AKAP19: variants seen among roughly 807,000 people sequenced by gnomAD.
AKAP19 encodes small A-kinase anchoring protein.
chr2:189,991,669 T>C, the AKAP19 span, among the ~76,000 whole-genome samples: 14 of 152,216 alleles, frequency 9.2e-5, no homozygotes, highest in Non-Finnish European at 1.8e-4. Context: ...TGCTGATTAT[T>C]TCTTTTGATG....
the AKAP19 span, among the ~76,000 whole-genome samples, chr2:189,978,685 G>A: frequency 6.6e-6 from 1 of 152,140 alleles, no homozygotes; most frequent in African/African-American, 2.4e-5. Flanking sequence ...ATTCACTTAG[G>A]ATAATGGCCT....
chr2:190,040,851 G>A, the AKAP19 span, among the ~76,000 whole-genome samples: 1 of 152,126 alleles, frequency 6.6e-6, no homozygotes, highest in African/African-American at 2.4e-5. Context: ...CCTTATTTCT[G>A]GGCTCTCTAT....
the AKAP19 span, chr2:189,930,376 C>T: frequency 2.4e-6 from 1 of 413,192 alleles, no homozygotes; most frequent in Non-Finnish European, 4.4e-6. Context: ...GATGTACATG[C>T]ACGGTAGAAA....
the AKAP19 span, among the ~76,000 whole-genome samples, chr2:189,995,736 A>G: frequency 5.0e-3 from 756 of 151,452 alleles, 8 homozygotes; most frequent in African/African-American, 0.017. Context: ...CTTGTGCTTT[A>G]AGGAGGTTCT....
At chr2:190,062,721 A>C in the AKAP19 span, 3 of 865,902 alleles carry the variant, frequency 3.5e-6, no homozygotes, top group African/African-American at 3.4e-5. Context: ...TTGCCACACC[A>C]GTGAATCTTT....
the AKAP19 span, among the ~76,000 whole-genome samples, chr2:189,890,638 C>T: frequency 6.6e-6 from 1 of 152,034 alleles, no homozygotes; most frequent in African/African-American, 2.4e-5. Context: ...GATAGTTCTT[C>T]TTGTTGCATT....
At chr2:190,071,692 TATTA>T in the AKAP19 span, among the ~76,000 whole-genome samples, 3 of 152,178 alleles carry the variant, frequency 2.0e-5, no homozygotes, top group African/African-American at 7.2e-5. Flanking sequence ...ATATCATTAA[TATTA>T]ATTTGTATTA....
the AKAP19 span, among the ~76,000 whole-genome samples, chr2:190,064,006 CT>C: frequency 1.3e-5 from 2 of 151,578 alleles, no homozygotes; most frequent in African/African-American, 2.4e-5. Context: ...TAGTCCATTA[CT>C]TTTTTTTTCC....
At chr2:190,095,246 A>G in the AKAP19 span, among the ~76,000 whole-genome samples, 1 of 152,190 alleles carries the variant, frequency 6.6e-6, no homozygotes, top group Non-Finnish European at 1.5e-5. Flanking sequence ...TAACCAGGAC[A>G]ATGATCCATG....
chr2:190,107,348 G>A, the AKAP19 span, among the ~76,000 whole-genome samples: 1 of 151,966 alleles, frequency 6.6e-6, no homozygotes, highest in Non-Finnish European at 1.5e-5. Context: ...GAAATTCAAA[G>A]TACCTGACAG....
chr2:190,152,242 T>A, the AKAP19 span, among the ~76,000 whole-genome samples: 1 of 152,232 alleles, frequency 6.6e-6, no homozygotes, highest in Non-Finnish European at 1.5e-5. Context: ...TGTTTTCTAA[T>A]ACTTTTATCA....
chr2:189,911,634 T>C, the AKAP19 span, among the ~76,000 whole-genome samples: 1 of 152,146 alleles, frequency 6.6e-6, no homozygotes, highest in Non-Finnish European at 1.5e-5. Flanking sequence ...ACAATATGAA[T>C]TAGAAAAATT....
At chr2:189,904,905 G>A in the AKAP19 span, among the ~76,000 whole-genome samples, 2 of 151,810 alleles carry the variant, frequency 1.3e-5, no homozygotes, top group Non-Finnish European at 2.9e-5. Flanking sequence ...AAGAATATTC[G>A]GAATGAAACA....
chr2:189,937,412 A>T, the AKAP19 span, among the ~76,000 whole-genome samples: 2 of 152,136 alleles, frequency 1.3e-5, no homozygotes, highest in Non-Finnish European at 2.9e-5. Flanking sequence ...AATGGTGTAG[A>T]AGCAAGTTGG....
the AKAP19 span, among the ~76,000 whole-genome samples, chr2:190,030,191 A>G: frequency 6.6e-6 from 1 of 152,122 alleles, no homozygotes; most frequent in Non-Finnish European, 1.5e-5. Context: ...TTCTTTAATA[A>G]TCTCCTTGCT....
the AKAP19 span, among the ~76,000 whole-genome samples, chr2:190,019,634 A>C: frequency 6.6e-6 from 1 of 151,854 alleles, no homozygotes; most frequent in Non-Finnish European, 1.5e-5. Context: ...TGATCTAGTC[A>C]TGCCATTACC....
the AKAP19 span, among the ~76,000 whole-genome samples, chr2:190,104,170 A>G: frequency 6.6e-6 from 1 of 152,214 alleles, no homozygotes; most frequent in Non-Finnish European, 1.5e-5. Flanking sequence ...ACATTTCACC[A>G]TATACAAAAA....
the AKAP19 span, among the ~76,000 whole-genome samples, chr2:189,959,041 G>A: frequency 6.6e-6 from 1 of 151,950 alleles, no homozygotes; most frequent in African/African-American, 2.4e-5. Flanking sequence ...GCTCAGGAAG[G>A]GGTACACAGG....
the AKAP19 span, among the ~76,000 whole-genome samples, chr2:190,093,589 T>A: frequency 6.6e-6 from 1 of 152,212 alleles, no homozygotes; most frequent in African/African-American, 2.4e-5. Flanking sequence ...ACTCTTGGCC[T>A]GGTAAAATTT....
Sources: gnomAD v4.1 joint callset for allele counts (sites outside exome capture counted in the v4.1 genomes callset) on GRCh38, gnomAD v4.1.1 for gene constraint, MANE v1.5 for transcripts, NCBI Gene and HGNC (gene_info 2026-07-23, HGNC 2026-07-21) for gene names.